Variants in PLCG1 observed in about 807,000 individuals in gnomAD.
PLCG1 encodes the protein 1-phosphatidylinositol 4,5-bisphosphate phosphodiesterase gamma-1.
A neutral mutation model predicts 177.8 loss-of-function variants in PLCG1; 71 were observed. That is an observed-to-expected ratio of 0.40 (90% CI 0.33 to 0.49). The LOEUF is 0.49. PLCG1 is among the 20% of genes least tolerant of loss of function. The pLI, the probability that PLCG1 is intolerant of heterozygous loss-of-function variation, is 0.72. For missense variants in PLCG1, 1,281 were observed against 1,709.0 expected, an observed-to-expected ratio of 0.75 and a Z score of 4.42; for synonymous variants, 658 against 647.9, an observed-to-expected ratio of 1.02 and a Z score of -0.24.
chr20:41,172,104 C>A lies in PLCG1; in HGVS notation c.2809-89C>A. 1.1e-6 allele frequency: 1 copy of A among 929,842 alleles called. No homozygotes were observed. The highest frequency in any genetic ancestry group is 1.8e-6 in the Non-Finnish European group (1 of 557,008). 57.6% of individuals were successfully genotyped at this position (929,842 alleles called of 1,614,324 possible). On this transcript the variant is annotated intron_variant, in intron 24 of 31. Coordinates refer to ENST00000685551, the MANE Select transcript of PLCG1 (RefSeq NM_002660.3). The surrounding 1 kb of genome is among the most constrained non-coding windows in gnomAD (Gnocchi z 7.0). ...GTGGGAGAGGGGCCCAGAGCACCTG[C>A]AGTGTGGGCATGCCCAAGGTTGGCA...
chr20:41,139,540 C>T (rs1314985913), intron 1 of PLCG1, among the ~76,000 whole-genome samples: 3 of 152,140 alleles, frequency 2.0e-5, no homozygotes, highest in Non-Finnish European at 1.5e-5. Flanking sequence ...TGTTTCCCGG[C>T]CAGTTACTTA....
chr20:41,171,390 C>T (rs906148824), intron 24 of PLCG1, among the ~76,000 whole-genome samples: 4 of 151,998 alleles, frequency 2.6e-5, no homozygotes, highest in African/African-American at 9.7e-5. Flanking sequence ...ACTTCGAGAC[C>T]AGCCTGGCCA....
At chr20:41,155,129 C>T (rs1193594125) in intron 1 of PLCG1, among the ~76,000 whole-genome samples, 5 of 152,206 alleles carry the variant, frequency 3.3e-5, no homozygotes, top group Non-Finnish European at 7.3e-5. Flanking sequence ...GTCTCCCTGG[C>T]CTCGTCATAT....
At position 41,167,123 on chromosome 20, in the gene PLCG1, G is replaced by A. The variant is rs1382737961; in HGVS notation, c.2301+264G>A. Among the ~76,000 whole-genome samples, 1 of 152,146 alleles carries A rather than the reference G, an allele frequency of 6.6e-6. No homozygotes were observed. The highest frequency in any genetic ancestry group is 1.5e-5 in the Non-Finnish European group (1 of 68,034). Reference sequence around the variant, plus strand: ...AAGATGTGGAGTGAGGAGGTTCTGGGGCTCACACTGGGAGAGGTGCACACA... The same window carrying A: ...AAGATGTGGAGTGAGGAGGTTCTGGAGCTCACACTGGGAGAGGTGCACACA... On this transcript the variant is annotated intron_variant, in intron 19 of 31. Coordinates refer to ENST00000685551, the MANE Select transcript of PLCG1 (RefSeq NM_002660.3). The surrounding 1 kb of genome is among the most constrained non-coding windows in gnomAD (Gnocchi z 4.4).
chr20:41,137,573 AGCC>A lies in PLCG1; in HGVS notation c.-61_-59del. 3 of 980,674 alleles carry A rather than the reference AGCC, an allele frequency of 3.1e-6. No homozygotes were observed. Among genetic ancestry groups the A allele is most frequent in the Non-Finnish European group, 4.0e-6 (3 of 756,134 alleles). 60.7% of individuals were successfully genotyped at this position (980,674 alleles called of 1,614,324 possible). A position where few individuals can be genotyped will look rare whatever the true frequency, so the allele number is the denominator to read the frequency against. The stretch of plus-strand genomic sequence containing the variant: ...CCGCCTCAGCCTCAGCCCCAACCTC[AGCC>A]GCCGCCGTTGCGCTTGCTCCCGGGC... On this transcript the variant is annotated 5_prime_UTR_variant, in exon 1 of 32. Transcript: ENST00000685551. The surrounding 1 kb of genome is among the most constrained non-coding windows in gnomAD (Gnocchi z 7.3).
At chr20:41,138,979 GT>G (rs2034718509) in intron 1 of PLCG1, among the ~76,000 whole-genome samples, 1 of 152,188 alleles carries the variant, frequency 6.6e-6, no homozygotes, top group Non-Finnish European at 1.5e-5. Context: ...GGAGACTAGG[GT>G]TAGAGAGACC....
In PLCG1 at chr20:41,147,931, G is replaced by A. The variant is rs1320400760; in HGVS notation, c.217+10073G>A. 2.6e-5 allele frequency among the ~76,000 whole-genome samples: 4 copies of A among 152,148 alleles called. No individual in the cohort carries two copies. In the East Asian group the frequency reaches 5.8e-4, roughly 22 times the overall value. ...TCCCTGGCACCTTGGAGTGAGATCAGAGTCTAGATCACTCACTGGGGCCCT... is the reference window on the plus strand; with the variant it reads ...TCCCTGGCACCTTGGAGTGAGATCAAAGTCTAGATCACTCACTGGGGCCCT... On this transcript the variant is annotated intron_variant, in intron 1 of 31. Coordinates refer to ENST00000685551, the MANE Select transcript of PLCG1 (RefSeq NM_002660.3). The surrounding 1 kb of genome is among the most constrained non-coding windows in gnomAD (Gnocchi z 4.0).
chr20:41,156,972 C>T lies in PLCG1; in HGVS notation c.218-2634C>T, dbSNP rs2035340177. Among the ~76,000 whole-genome samples the T allele has an allele frequency of 6.6e-6, 1 of 152,206 alleles. No individual in the cohort carries two copies. The highest frequency in any genetic ancestry group is 1.5e-5 in the Non-Finnish European group (1 of 68,040). On this transcript the variant is annotated intron_variant, in intron 1 of 31. Transcript: ENST00000685551. This position sits in a 1 kb window ranked among gnomAD's most constrained non-coding sequence, Gnocchi z 5.0. ...TGAAGGGTGAGGTTGGGAGGTAGCA[C>T]AGGATGTGGCTTTCAAGAACCTAGT...
intron 1 of PLCG1, among the ~76,000 whole-genome samples, chr20:41,143,042 T>G (rs937463357): frequency 6.6e-6 from 1 of 152,234 alleles, no homozygotes; most frequent in Non-Finnish European, 1.5e-5. Context: ...CAGGGCTCTT[T>G]CCCACTGCTG....
rs2034921921 is a variant in PLCG1 at position 41,144,150 on chromosome 20, A to G, written c.217+6292A>G. 6.6e-6 allele frequency among the ~76,000 whole-genome samples: 1 copy of G among 152,190 alleles called. No homozygotes were observed. The highest frequency in any genetic ancestry group is 1.5e-5 in the Non-Finnish European group (1 of 68,038). On this transcript the variant is annotated intron_variant, in intron 1 of 31. Coordinates refer to ENST00000685551, the MANE Select transcript of PLCG1 (RefSeq NM_002660.3). The surrounding 1 kb of genome is among the most constrained non-coding windows in gnomAD (Gnocchi z 4.1). ...ATTGTTTGAACTTCACAGCAGCTCCATGAATCCATGGAGGGCAGGAGTTAC... is the reference window on the plus strand; with the variant it reads ...ATTGTTTGAACTTCACAGCAGCTCCGTGAATCCATGGAGGGCAGGAGTTAC...
Position 41,163,788 on chromosome 20 carries a change from T to G in PLCG1, c.965T>G (p.Met322Arg). ...SQLDAVCPDT[M>R]NNPLSHYWIS... ...CTGGATGCAGTATGCCCGGACACCA[T>G]GAACAACCCTCTTTCCCACTACTGG... The change falls in exon 10 of 32, where the codon ATG becomes AGG. Residue 322 changes from methionine (M) to arginine (R), a missense_variant. This residue lies in a region of PLCG1 where 374 missense variants were observed against 443.8 expected (regional missense o/e 0.84). Coordinates refer to ENST00000685551, the MANE Select transcript of PLCG1 (RefSeq NM_002660.3). This position sits in a 1 kb window ranked among gnomAD's most constrained non-coding sequence, Gnocchi z 5.2. 1 of 1,613,940 alleles carries G rather than the reference T, an allele frequency of 6.2e-7. No individual in the cohort carries two copies. Among genetic ancestry groups the G allele is most frequent in the Non-Finnish European group, 8.5e-7 (1 of 1,179,836 alleles).
chr20:41,175,360 T>TTAAG lies in PLCG1; in HGVS notation c.*853_*856dup, dbSNP rs754203938. On this transcript the variant is annotated 3_prime_UTR_variant, in exon 32 of 32. Coordinates refer to ENST00000685551, the MANE Select transcript of PLCG1 (RefSeq NM_002660.3). ...CCTATTTTGGTGAGGTTTTTTGTTT[T>TTAAG]TAAGTCAAAGAAGACTCAGTATGCT... 4 of 152,120 alleles carry TTAAG rather than the reference T, an allele frequency of 2.6e-5. No homozygotes were observed. The highest frequency in any genetic ancestry group is 4.4e-5 in the Non-Finnish European group (3 of 68,014). 9.4% of individuals were successfully genotyped at this position (152,120 alleles called of 1,614,324 possible).
In PLCG1 at chr20:41,176,937, T is replaced by G. The variant is rs2036081228; in HGVS notation, c.*2428T>G. ...GCTCAGGGTTATGACCTGTGGAGTC[T>G]CAACCCTAACAGCACATTAGCACCA... On this transcript the variant is annotated 3_prime_UTR_variant, in exon 32 of 32. Transcript: ENST00000685551. 6.6e-6 allele frequency: 1 copy of G among 152,244 alleles called. No homozygotes were observed. The highest frequency in any genetic ancestry group is 2.1e-4 in the South Asian group (1 of 4,836). The allele number at this position is 152,244 out of a possible 1,614,324, so 9.4% of individuals were successfully genotyped here. A position where few individuals can be genotyped will look rare whatever the true frequency, so the allele number is the denominator to read the frequency against.
rs1354846630 is a variant in PLCG1, at chr20:41,146,368, T to C, written c.217+8510T>C. ...CCTGAGGGCCAAGATGGAATCGCTT[T>C]TCTCCCTGTAGCAGCCCATCCTACC... is the stretch of plus-strand genomic sequence containing the variant. On this transcript the variant is annotated intron_variant, in intron 1 of 31. Transcript: ENST00000685551. This position sits in a 1 kb window ranked among gnomAD's most constrained non-coding sequence, Gnocchi z 6.3. 1.3e-5 allele frequency among the ~76,000 whole-genome samples: 2 copies of C among 152,234 alleles called. No individual in the cohort carries two copies. The highest frequency in any genetic ancestry group is 2.9e-5 in the Non-Finnish European group (2 of 68,046).
rs921901569 is a variant in PLCG1, at chr20:41,159,770, G to C, written c.370+12G>C. On this transcript the variant is annotated intron_variant, in intron 2 of 31. Coordinates refer to ENST00000685551, the MANE Select transcript of PLCG1 (RefSeq NM_002660.3). This position sits in a 1 kb window ranked among gnomAD's most constrained non-coding sequence, Gnocchi z 6.0. ...GCTGAGCCTGCAAGGTGGGAGTTAA[G>C]GGGGTAGAGGAGGTAGAGGATAGTT... 5 of 1,614,198 alleles carry C rather than the reference G, an allele frequency of 3.1e-6. No homozygotes were observed. Among genetic ancestry groups the C allele is most frequent in the Non-Finnish European group, 4.2e-6 (5 of 1,180,020 alleles).
In PLCG1 at chr20:41,146,125, A is replaced by T. The variant is rs1186416963; in HGVS notation, c.217+8267A>T. Among the ~76,000 whole-genome samples, 1 of 152,204 alleles carries T rather than the reference A, an allele frequency of 6.6e-6. No individual in the cohort carries two copies. The highest frequency in any genetic ancestry group is 1.5e-5 in the Non-Finnish European group (1 of 68,040). On this transcript the variant is annotated intron_variant, in intron 1 of 31. Transcript: ENST00000685551. The surrounding 1 kb of genome is among the most constrained non-coding windows in gnomAD (Gnocchi z 6.3). ...GGTGGCCCTGGCTTCAGCAAGACTC[A>T]GGATGCAGAGTAAACGGGGCAGGGC...
intron 1 of PLCG1, among the ~76,000 whole-genome samples, chr20:41,141,010 CATT>C: frequency 6.6e-6 from 1 of 152,226 alleles, no homozygotes; most frequent in Non-Finnish European, 1.5e-5. Context: ...TCAGACCATG[CATT>C]ACAGGGCAAA....
At chr20:41,138,845 C>T (rs1013528133) in intron 1 of PLCG1, among the ~76,000 whole-genome samples, 2 of 152,140 alleles carry the variant, frequency 1.3e-5, no homozygotes, top group Non-Finnish European at 2.9e-5. Context: ...AGTTGTTCCA[C>T]TTAGCGCGTG....
At position 41,156,564 on chromosome 20, in the gene PLCG1, T is replaced by C. The variant is rs1191689347; in HGVS notation, c.218-3042T>C. 6.6e-6 allele frequency among the ~76,000 whole-genome samples: 1 copy of C among 152,204 alleles called. No individual in the cohort carries two copies. The highest frequency in any genetic ancestry group is 6.5e-5 in the Admixed American group (1 of 15,282). On this transcript the variant is annotated intron_variant, in intron 1 of 31. Transcript: ENST00000685551. The surrounding 1 kb of genome is among the most constrained non-coding windows in gnomAD (Gnocchi z 5.0). ...AGAGTTCCTCCTTCTCACTGCCCCA[T>C]CTTCTTCATAGTGACGGCCTCTTCG...
Sources: allele counts gnomAD v4.1 joint callset (sites outside exome capture counted in the v4.1 genomes callset), GRCh38; gene constraint gnomAD v4.1.1; regional missense constraint gnomAD v4.1.1; non-coding constraint Gnocchi (gnomAD v3.1); transcripts MANE v1.5; gene names NCBI Gene and HGNC (gene_info 2026-07-23, HGNC 2026-07-21).